The following UBE4B variants were observed in gnomAD, a reference collection of about 807,000 sequenced individuals.
UBE4B encodes ubiquitin conjugation factor E4 B.
Under a neutral mutation model 148.1 loss-of-function variants are expected in UBE4B, and 27 were observed. That is an observed-to-expected ratio of 0.18 (90% confidence interval 0.13 to 0.25). The LOEUF (loss-of-function observed/expected upper bound fraction) is 0.25, where lower values mean the gene tolerates loss of function less well. UBE4B is among the 10% of genes least tolerant of loss of function. The pLI, the probability that UBE4B is intolerant of heterozygous loss-of-function variation, is 1.00. For synonymous variants in UBE4B, 596 were observed against 619.3 expected (o/e 0.96, Z 0.56); for missense variants, 1,170 against 1,662.4 (o/e 0.70, Z 5.15).
intron 2 of UBE4B, among the ~76,000 whole-genome samples, chr1:10,087,586 G>C (rs72861431): frequency 0.042 from 6,431 of 152,252 alleles, 189 homozygotes; most frequent in African/African-American, 0.081. Flanking sequence ...CTGGTGTTTT[G>C]CTCATGATAA....
rs60838123 is a variant in UBE4B, at chr1:10,152,259, AAATAAT to A, written c.2926+730_2926+735del. 6.8e-3 allele frequency among the ~76,000 whole-genome samples: 960 copies of A among 141,324 alleles called. 8 individuals carry two copies. The highest frequency in any genetic ancestry group is 0.019 in the African/African-American group (741 of 38,372). 92.7% of individuals were successfully genotyped at this position (141,324 alleles called of 152,430 possible). A position where few individuals can be genotyped will look rare whatever the true frequency, so the allele number is the denominator to read the frequency against. The stretch of plus-strand genomic sequence containing the variant: ...GGGCAAGAGAACAAGACTCCGTCTC[AAATAAT>A]AATAATAATAATAATAATAATAATA... On this transcript the variant is annotated intron_variant, in intron 21 of 27. Coordinates refer to ENST00000343090, the MANE Select transcript of UBE4B (RefSeq NM_001105562.3).
chr1:10,074,637 C>G (rs991210689), intron 2 of UBE4B, among the ~76,000 whole-genome samples: 25 of 152,348 alleles, frequency 1.6e-4, no homozygotes, highest in African/African-American at 6.0e-4. Flanking sequence ...CTTTCACCCA[C>G]TTCTCCTGGA....
At chr1:10,126,741 C>T in intron 10 of UBE4B, 53 bp from the exon 11 acceptor site, 1 of 1,459,606 alleles carries the variant, frequency 6.9e-7, no homozygotes, top group East Asian at 2.3e-5. Context: ...ACATACTTCC[C>T]ACTCTTAGAT....
chr1:10,056,725 G>T (rs1037632517), intron 1 of UBE4B, among the ~76,000 whole-genome samples: 1 of 152,226 alleles, frequency 6.6e-6, no homozygotes, highest in African/African-American at 2.4e-5. Context: ...CTAGCTACGC[G>T]ATTGCTCATT....
chr1:10,074,892 C>T (rs1328721857), intron 2 of UBE4B, among the ~76,000 whole-genome samples: 2 of 152,192 alleles, frequency 1.3e-5, no homozygotes, highest in Non-Finnish European at 2.9e-5. Context: ...TTATCTCCAA[C>T]GTGGACCTGC....
In UBE4B at chr1:10,178,772, C is replaced by T. The variant is rs143854107; in HGVS notation, c.3654C>T (p.Asn1218=). ...AEKVEEIVAK[N]ARAEIDYSDA... ...AAGTGGAGGAGATAGTGGCCAAGAACGCACGCGCAGAAATCGACTACAGCG... is the reference window on the plus strand; with the variant it reads ...AAGTGGAGGAGATAGTGGCCAAGAATGCACGCGCAGAAATCGACTACAGCG... The change falls in exon 26 of 28, where the codon AAC becomes AAT. Residue 1218 remains asparagine, a synonymous_variant. Transcript: ENST00000343090. The T allele has an allele frequency of 3.0e-4, 491 of 1,613,580 alleles. No individual in the cohort carries two copies. In the African/African-American group the frequency reaches 4.9e-3, roughly 16 times the overall value.
intron 2 of UBE4B, among the ~76,000 whole-genome samples, chr1:10,088,912 C>T (rs527855003): frequency 6.6e-6 from 1 of 152,160 alleles, no homozygotes; most frequent in African/African-American, 2.4e-5. Flanking sequence ...CTCCTGGGCT[C>T]AAGCGATCCT....
chr1:10,094,402 C>T (rs113304383), intron 2 of UBE4B, among the ~76,000 whole-genome samples: 2,102 of 151,760 alleles, frequency 0.014, 18 homozygotes, highest in Non-Finnish European at 0.019. Context: ...GCAGGGAACA[C>T]CCGTATACTC....
intron 7 of UBE4B, among the ~76,000 whole-genome samples, chr1:10,113,909 A>G (rs1645262339): frequency 6.6e-6 from 1 of 152,100 alleles, no homozygotes; most frequent in Non-Finnish European, 1.5e-5. Context: ...TACTAAAAAT[A>G]CAAAAATTAG....
At chr1:10,077,209 AG>A (rs1201878078) in intron 2 of UBE4B, among the ~76,000 whole-genome samples, 1 of 152,124 alleles carries the variant, frequency 6.6e-6, no homozygotes, top group African/African-American at 2.4e-5. Flanking sequence ...CCTCCCAATA[AG>A]GGGAGAATCC....
intron 7 of UBE4B, among the ~76,000 whole-genome samples, chr1:10,116,973 C>T (rs911080519): frequency 6.6e-6 from 1 of 152,212 alleles, no homozygotes; most frequent in African/African-American, 2.4e-5. Context: ...TGGAGAGTTT[C>T]TTAACCTTTG....
intron 3 of UBE4B, among the ~76,000 whole-genome samples, chr1:10,097,683 A>G (rs1644950952): frequency 1.3e-5 from 2 of 151,934 alleles, no homozygotes; most frequent in South Asian, 4.2e-4. Context: ...GGTGGCATGT[A>G]CCTGTAGTCC....
intron 7 of UBE4B, among the ~76,000 whole-genome samples, chr1:10,116,895 T>G (rs1645319690): frequency 6.6e-6 from 1 of 152,210 alleles, no homozygotes; most frequent in Non-Finnish European, 1.5e-5. Context: ...CTATACTACT[T>G]TACCTTTTTC....
At chr1:10,054,424 A>G in intron 1 of UBE4B, 1 of 316,680 alleles carries the variant, frequency 3.2e-6, no homozygotes, top group Non-Finnish European at 6.1e-6. Context: ...GAGGTCTTTT[A>G]TTTTTTTCAC....
At chr1:10,160,682 C>T (rs757502392) in intron 22 of UBE4B, among the ~76,000 whole-genome samples, 1 of 152,146 alleles carries the variant, frequency 6.6e-6, no homozygotes, top group African/African-American at 2.4e-5. Context: ...TGTGGTGGCT[C>T]ATCTCTGTAA....
At chr1:10,165,214 G>A (rs1185439973) in intron 23 of UBE4B, among the ~76,000 whole-genome samples, 2 of 152,178 alleles carry the variant, frequency 1.3e-5, no homozygotes, top group South Asian at 2.1e-4. Flanking sequence ...TCCTGCCTGA[G>A]TCTGCCCAAT....
intron 3 of UBE4B, among the ~76,000 whole-genome samples, chr1:10,100,297 CAATT>C (rs1644989865): frequency 6.6e-6 from 1 of 151,880 alleles, no homozygotes; most frequent in African/African-American, 2.4e-5. Flanking sequence ...CCTATTTTCT[CAATT>C]AAATTTTTAA....
At chr1:10,083,170 G>C (rs1253101074) in intron 2 of UBE4B, among the ~76,000 whole-genome samples, 1 of 152,124 alleles carries the variant, frequency 6.6e-6, no homozygotes, top group African/African-American at 2.4e-5. Context: ...CCAGTAATGA[G>C]ATTGCTGGGT....
At position 10,093,308 on chromosome 1, in the gene UBE4B, C is replaced by T. The variant is rs1219720285; in HGVS notation, c.212-2153C>T. ...ACCTTGTGATGGTGTATTATTTATT[C>T]CTTCAATAAGTATTTTTTCAGGGCT... On this transcript the variant is annotated intron_variant, in intron 2 of 27. Transcript: ENST00000343090. Among the ~76,000 whole-genome samples the T allele has an allele frequency of 2.0e-5, 3 of 152,040 alleles. No homozygotes were observed. The East Asian group carries it at 5.8e-4, about 29-fold the overall frequency.
Sources: allele counts gnomAD v4.1 joint callset (sites outside exome capture counted in the v4.1 genomes callset), GRCh38; gene constraint gnomAD v4.1.1; transcripts MANE v1.5; gene names NCBI Gene and HGNC (gene_info 2026-07-23, HGNC 2026-07-21).